TRDN: variants seen among roughly 807,000 people sequenced by gnomAD.
The protein encoded by TRDN is triadin, also known as triadin in skeletal muscle.
A neutral mutation model predicts 149.7 loss-of-function variants in TRDN; 161 were observed. The observed-to-expected ratio is 1.08, with a 90% CI of 0.95 to 1.23. TRDN has a LOEUF of 1.23. Ranked by LOEUF, TRDN falls within the 50% of genes most tolerant of loss-of-function variation. The probability of loss-of-function intolerance (pLI) is 0.00; values close to 1 mark genes in which losing one functional copy is unlikely to be tolerated. For synonymous variants in TRDN, 294 were observed against 250.5 expected (o/e 1.17, Z -1.64); for missense variants, 896 against 823.5 (o/e 1.09, Z -1.08).
intron 20 of TRDN, among the ~76,000 whole-genome samples, chr6:123,355,098 G>T (rs1448219794): frequency 6.6e-6 from 1 of 151,326 alleles, no homozygotes; most frequent in Non-Finnish European, 1.5e-5. Flanking sequence ...TGCCTCTTTA[G>T]ATTTTTGCCT....
chr6:123,438,197 AGTGAGG>A, intron 11 of TRDN, 75 bp from the exon 12 acceptor site: 2 of 1,015,678 alleles, frequency 2.0e-6, no homozygotes, highest in Non-Finnish European at 1.4e-6. Flanking sequence ...CATGACTACC[AGTGAGG>A]CATCTAATTT....
At chr6:123,617,081 T>A (rs1316639375) in intron 1 of TRDN, among the ~76,000 whole-genome samples, 1 of 152,182 alleles carries the variant, frequency 6.6e-6, no homozygotes. Context: ...ATGGGTTTCA[T>A]GAAATTAATC....
At chr6:123,515,031 A>G (rs1450477195) in intron 6 of TRDN, among the ~76,000 whole-genome samples, 1 of 152,118 alleles carries the variant, frequency 6.6e-6, no homozygotes, top group Non-Finnish European at 1.5e-5. Context: ...CCACCATGGC[A>G]CATGTATACC....
intron 24 of TRDN, among the ~76,000 whole-genome samples, chr6:123,301,726 T>C (rs1056025003): frequency 2.2e-5 from 3 of 136,040 alleles, no homozygotes; most frequent in African/African-American, 5.4e-5. Flanking sequence ...CCAGTACATA[T>C]ATGTATGTAT....
chr6:123,446,333 A>G (rs185617867), intron 10 of TRDN, among the ~76,000 whole-genome samples: 15 of 152,200 alleles, frequency 9.9e-5, no homozygotes, highest in Admixed American at 1.3e-4. Context: ...ACATGTGTAC[A>G]TATGTAACTA....
intron 31 of TRDN, among the ~76,000 whole-genome samples, chr6:123,268,520 G>A (rs1420769219): frequency 2.0e-5 from 3 of 151,996 alleles, no homozygotes; most frequent in Admixed American, 2.0e-4. Context: ...TAGGACTCTG[G>A]AACAGACCAA....
At chr6:123,240,504 T>G (rs1442834351) in intron 38 of TRDN, among the ~76,000 whole-genome samples, 2 of 151,856 alleles carry the variant, frequency 1.3e-5, no homozygotes, top group African/African-American at 4.8e-5. Context: ...TATATATTTA[T>G]AGCAATGGAT....
At chr6:123,222,228 AGT>A (rs1285315172) in intron 39 of TRDN, among the ~76,000 whole-genome samples, 1 of 151,100 alleles carries the variant, frequency 6.6e-6, no homozygotes, top group Non-Finnish European at 1.5e-5. Flanking sequence ...CATGTGTGTT[AGT>A]GTGTGTGTTT....
chr6:123,489,058 A>G (rs2114790772), intron 9 of TRDN: 1 of 152,230 alleles, frequency 6.6e-6, no homozygotes, highest in Non-Finnish European at 1.5e-5. Context: ...GTGCTTTAAT[A>G]TTATCACCTT....
intron 9 of TRDN, among the ~76,000 whole-genome samples, chr6:123,476,765 A>C (rs1263235259): frequency 6.7e-6 from 1 of 150,330 alleles, no homozygotes; most frequent in Non-Finnish European, 1.5e-5. Flanking sequence ...GCATATCTAT[A>C]ACTATCTGAT....
intron 12 of TRDN, among the ~76,000 whole-genome samples, chr6:123,419,023 G>A (rs1277003690): frequency 6.6e-6 from 1 of 151,990 alleles, no homozygotes; most frequent in Non-Finnish European, 1.5e-5. Context: ...AAGATGAGCA[G>A]GTCTATCTAT....
intron 1 of TRDN, among the ~76,000 whole-genome samples, chr6:123,611,623 G>A (rs929624534): frequency 6.6e-5 from 10 of 151,988 alleles, no homozygotes; most frequent in Non-Finnish European, 1.3e-4. Flanking sequence ...CATTGTAATC[G>A]TTCTATCATA....
intron 37 of TRDN, among the ~76,000 whole-genome samples, chr6:123,254,245 T>C (rs1291466846): frequency 1.3e-5 from 2 of 152,098 alleles, no homozygotes; most frequent in South Asian, 2.1e-4. Context: ...ACAAATGTAA[T>C]TGCCCTTCAA....
Position 123,587,202 on chromosome 6 carries a change from T to C in TRDN, c.23-16070A>G, listed in dbSNP as rs937994584. ...GACCAAGGCAGGCGTCCCTGCGTGG[T>C]CTGACACCTCTGAAACCTGGACGAA... is the stretch of plus-strand genomic sequence containing the variant. On this transcript the variant is annotated intron_variant, in intron 1 of 40. Coordinates refer to ENST00000334268, the MANE Select transcript of TRDN (RefSeq NM_006073.4). Among the ~76,000 whole-genome samples the C allele has an allele frequency of 3.9e-5, 6 of 152,106 alleles. No individual in the cohort carries two copies. In the South Asian group the frequency reaches 1.2e-3, roughly 32 times the overall value.
chr6:123,249,319 T>C (rs552332334), intron 38 of TRDN, among the ~76,000 whole-genome samples: 4 of 152,268 alleles, frequency 2.6e-5, no homozygotes, highest in East Asian at 3.9e-4. Flanking sequence ...GGAAGGCTTA[T>C]ACACTGTTGG....
chr6:123,307,871 AT>A (rs1778670467), intron 24 of TRDN, among the ~76,000 whole-genome samples: 1 of 151,700 alleles, frequency 6.6e-6, no homozygotes, highest in Non-Finnish European at 1.5e-5. Context: ...TTCAACTTTT[AT>A]TTTAGATTTA....
chr6:123,515,488 T>C (rs1779371778), intron 6 of TRDN, among the ~76,000 whole-genome samples: 1 of 151,734 alleles, frequency 6.6e-6, no homozygotes, highest in African/African-American at 2.4e-5. Flanking sequence ...TATGAGAAGA[T>C]TTCAGGATAT....
chr6:123,261,438 C>T (rs1776768998), intron 33 of TRDN, among the ~76,000 whole-genome samples: 1 of 151,724 alleles, frequency 6.6e-6, no homozygotes, highest in South Asian at 2.1e-4. Context: ...TCATACAGAA[C>T]CATGCTTTCT....
At chr6:123,376,719 T>C (rs533725211) in intron 18 of TRDN, among the ~76,000 whole-genome samples, 182 of 152,258 alleles carry the variant, frequency 1.2e-3, no homozygotes, top group African/African-American at 4.2e-3. Flanking sequence ...GAATAATAAA[T>C]GTGGATTCAA....
Sources: allele counts gnomAD v4.1 joint callset (sites outside exome capture counted in the v4.1 genomes callset), GRCh38; gene constraint gnomAD v4.1.1; transcripts MANE v1.5; gene names NCBI Gene and HGNC (gene_info 2026-07-23, HGNC 2026-07-21).